The following NR3C2 variants were observed in gnomAD, a reference collection of about 807,000 sequenced individuals.
The protein encoded by NR3C2 is nuclear receptor subfamily 3 group C member 2.
NR3C2 carries 15 observed loss-of-function variants against 86.4 expected under a neutral mutation model. The ratio of observed to expected loss-of-function variants is 0.17; its 90% CI spans 0.12 to 0.27. The LOEUF is 0.27. Ranked by LOEUF, NR3C2 falls within the 10% of genes least tolerant of loss-of-function variation. The pLI, the probability that NR3C2 is intolerant of heterozygous loss-of-function variation, is 1.00. For synonymous variants in NR3C2, 458 were observed against 450.5 expected, an observed-to-expected ratio of 1.02 and a Z score of -0.21; for missense variants, 960 against 1,195.6, an observed-to-expected ratio of 0.80 and a Z score of 2.91.
intron 2 of NR3C2, among the ~76,000 whole-genome samples, chr4:148,354,778 A>T (rs1452230125): frequency 6.6e-6 from 1 of 152,178 alleles, no homozygotes; most frequent in Admixed American, 6.5e-5. Flanking sequence ...TATTAAAAAT[A>T]TAAAACTGCT....
chr4:148,249,378 G>C lies in NR3C2; in HGVS notation c.1897+10600C>G, dbSNP rs1373268400. On this transcript the variant is annotated intron_variant, in intron 3 of 8. Transcript: ENST00000358102. ...ACTTAATGAGCCTGTACTAGATCTA[G>C]AATACTGTACATAAGTATGAATTTA... is the stretch of plus-strand genomic sequence containing the variant. 2.0e-5 allele frequency among the ~76,000 whole-genome samples: 3 copies of C among 151,898 alleles called. No individual in the cohort carries two copies. In the East Asian group the frequency reaches 5.8e-4, roughly 29 times the overall value.
rs1405591653 is a variant in NR3C2 at position 148,094,903 on chromosome 4, C to CA, written c.2800-13405dup. 4.6e-5 allele frequency among the ~76,000 whole-genome samples: 7 copies of CA among 152,126 alleles called. No homozygotes were observed. The East Asian group carries it at 1.2e-3, about 25-fold the overall frequency. On this transcript the variant is annotated intron_variant, in intron 8 of 8. Coordinates refer to ENST00000358102, the MANE Select transcript of NR3C2 (RefSeq NM_000901.5). Reference sequence around the variant, plus strand: ...GAAATTCTGATACATGCTACAGCACCATGAACCTCAAAAACATTAACTAAG... The same window carrying CA: ...GAAATTCTGATACATGCTACAGCACCAATGAACCTCAAAAACATTAACTAAG...
intron 2 of NR3C2, among the ~76,000 whole-genome samples, chr4:148,400,332 G>A (rs944324275): frequency 3.9e-5 from 6 of 152,206 alleles, no homozygotes; most frequent in African/African-American, 1.4e-4. Context: ...TAATAGTTGT[G>A]GCTTGGGAAG....
rs575344813 is a variant in NR3C2 at position 148,427,647 on chromosome 4, G to T, written c.1757+7457C>A. Among the ~76,000 whole-genome samples the T allele has an allele frequency of 2.6e-5, 4 of 152,062 alleles. No individual in the cohort carries two copies. The South Asian group carries it at 8.3e-4, about 32-fold the overall frequency. ...AAGGAGGGCAGCCATAGAAAGGGGG[G>T]GTGTCCCTATGACCCAGAATGTGGC... On this transcript the variant is annotated intron_variant, in intron 2 of 8. Coordinates refer to ENST00000358102, the MANE Select transcript of NR3C2 (RefSeq NM_000901.5).
chr4:148,154,685 T>C lies in NR3C2; in HGVS notation c.2231A>G (p.Asn744Ser). ...LTPSPVMVLE[N>S]IEPEIVYAGY... ...TGCATATACAATTTCAGGTTCAATGTTTTCAAGGACCATAACGGGGGAAGG... is the reference window on the plus strand; with the variant it reads ...TGCATATACAATTTCAGGTTCAATGCTTTCAAGGACCATAACGGGGGAAGG... The change falls in exon 5 of 9, where the codon AAC (asparagine) becomes AGC (serine). Residue 744 changes from asparagine to serine, a missense_variant. Coordinates refer to ENST00000358102, the MANE Select transcript of NR3C2 (RefSeq NM_000901.5). 3 of 1,614,166 alleles carry C rather than the reference T, an allele frequency of 1.9e-6. No homozygotes were observed. The highest frequency in any genetic ancestry group is 2.5e-6 in the Non-Finnish European group (3 of 1,180,034).
intron 2 of NR3C2, among the ~76,000 whole-genome samples, chr4:148,285,418 C>A (rs1741468098): frequency 6.6e-6 from 1 of 152,156 alleles, no homozygotes; most frequent in South Asian, 2.1e-4. Flanking sequence ...AATTTAAAAA[C>A]TTCCTCCAGG....
chr4:148,227,115 C>T (rs945067613), intron 3 of NR3C2, among the ~76,000 whole-genome samples: 3 of 152,100 alleles, frequency 2.0e-5, no homozygotes, highest in Admixed American at 1.3e-4. Context: ...TATATTTCAT[C>T]GGTTGTCCAC....
intron 3 of NR3C2, among the ~76,000 whole-genome samples, chr4:148,252,527 A>G (rs1444309977): frequency 1.3e-5 from 2 of 152,218 alleles, no homozygotes; most frequent in Admixed American, 1.3e-4. Context: ...ATTAGTACCA[A>G]TGGGAGAGTT....
At chr4:148,197,317 T>C (rs184921263) in intron 3 of NR3C2, among the ~76,000 whole-genome samples, 120 of 152,342 alleles carry the variant, frequency 7.9e-4, no homozygotes, top group African/African-American at 2.5e-3. Flanking sequence ...ACCACAGGTT[T>C]CATCTTTAAT....
At chr4:148,407,154 G>A (rs1748468040) in intron 2 of NR3C2, among the ~76,000 whole-genome samples, 1 of 152,094 alleles carries the variant, frequency 6.6e-6, no homozygotes, top group South Asian at 2.1e-4. Context: ...ACTTTTCCAA[G>A]ATCAATACTA....
At chr4:148,081,796 G>A (rs1730574274) in intron 8 of NR3C2, among the ~76,000 whole-genome samples, 1 of 152,204 alleles carries the variant, frequency 6.6e-6, no homozygotes, top group Non-Finnish European at 1.5e-5. Flanking sequence ...CTGGGTCACT[G>A]AACTGCACTC....
At chr4:148,299,109 C>T (rs2060654779) in intron 2 of NR3C2, among the ~76,000 whole-genome samples, 1 of 152,026 alleles carries the variant, frequency 6.6e-6, no homozygotes, top group South Asian at 2.1e-4. Flanking sequence ...TTATTTTTTG[C>T]TGAGATCTTT....
intron 2 of NR3C2, among the ~76,000 whole-genome samples, chr4:148,413,658 T>C (rs556217892): frequency 6.6e-6 from 1 of 152,112 alleles, no homozygotes; most frequent in Non-Finnish European, 1.5e-5. Flanking sequence ...ACAAGTAATA[T>C]AGGTAAATAG....
chr4:148,258,223 TA>T (rs2149869527), intron 3 of NR3C2, among the ~76,000 whole-genome samples: 1 of 152,366 alleles, frequency 6.6e-6, no homozygotes, highest in East Asian at 1.9e-4. Flanking sequence ...CTTTGTTTAC[TA>T]ATTAAGTGAG....
chr4:148,309,926 G>A (rs181185891), intron 2 of NR3C2, among the ~76,000 whole-genome samples: 5 of 151,494 alleles, frequency 3.3e-5, no homozygotes, highest in East Asian at 3.9e-4. Context: ...CTTAATAAAC[G>A]ATGGTGAATA....
At chr4:148,178,941 A>C (rs1244246285) in intron 4 of NR3C2, among the ~76,000 whole-genome samples, 10 of 151,002 alleles carry the variant, frequency 6.6e-5, no homozygotes, top group Admixed American at 6.6e-5. Flanking sequence ...GTAAAAAAAA[A>C]AAAAAACAAA....
chr4:148,086,766 G>A (rs909437494), intron 8 of NR3C2, among the ~76,000 whole-genome samples: 2 of 152,080 alleles, frequency 1.3e-5, no homozygotes, highest in African/African-American at 4.8e-5. Context: ...AATAAACTAG[G>A]TATTGATGGA....
At chr4:148,266,201 T>C (rs1164982310) in intron 2 of NR3C2, among the ~76,000 whole-genome samples, 1 of 151,282 alleles carries the variant, frequency 6.6e-6, no homozygotes, top group Middle Eastern at 3.5e-3. Flanking sequence ...GCCTCTAGAG[T>C]AGCTGGGACT....
chr4:148,134,799 C>G (rs1236315723), intron 6 of NR3C2, among the ~76,000 whole-genome samples: 1 of 151,466 alleles, frequency 6.6e-6, no homozygotes, highest in Non-Finnish European at 1.5e-5. Context: ...CAGGTGTGCG[C>G]CACCTTGCCC....
Sources: allele counts gnomAD v4.1 joint callset (sites outside exome capture counted in the v4.1 genomes callset), GRCh38; gene constraint gnomAD v4.1.1; transcripts MANE v1.5; gene names NCBI Gene and HGNC (gene_info 2026-07-23, HGNC 2026-07-21).